Variants in KIAA1755 observed in about 807,000 individuals in gnomAD.
The protein encoded by KIAA1755 is uncharacterized protein KIAA1755.
In KIAA1755, 68 loss-of-function variants were observed where a neutral mutation model predicts 91.7. That is an observed-to-expected ratio of 0.74 (90% CI 0.61 to 0.91). KIAA1755 has a LOEUF of 0.91. KIAA1755 is among the 40% of genes least tolerant of loss of function. KIAA1755 has a pLI of 0.00. For missense variants in KIAA1755, 1,535 were observed against 1,494.4 expected, an observed-to-expected ratio of 1.03 and a Z score of -0.45; for synonymous variants, 610 against 604.6, an observed-to-expected ratio of 1.01 and a Z score of -0.13.
rs772242359 is a variant in KIAA1755, at chr20:38,218,327, G to T, written c.2596C>A (p.Gln866Lys). ...CTTCCATCCTTGGGGGTCAGTGATT[G>T]CAGGCACCGCCTTCCTTCCTGCTCC... ...WMEQEGRRCL[Q>K]SLTPKDGSLE... Residue 866 changes from glutamine (Q) to lysine (K), a missense_variant, in exon 12 of 14, where the codon CAA becomes AAA. By Grantham distance (53) the Gln-to-Lys change is moderately conservative. Transcript: ENST00000279024. 1 of 1,614,204 alleles carries T rather than the reference G, an allele frequency of 6.2e-7. No individual in the cohort carries two copies. The highest frequency in any genetic ancestry group is 8.5e-7 in the Non-Finnish European group (1 of 1,180,030).
intron 2 of KIAA1755, among the ~76,000 whole-genome samples, chr20:38,244,075 A>G (rs924128277): frequency 1.3e-5 from 2 of 152,200 alleles, no homozygotes; most frequent in East Asian, 3.8e-4. Context: ...AGATTGACAG[A>G]TATTTGCCTA....
intron 8 of KIAA1755, chr20:38,225,455 A>G (rs2075738508): frequency 1.8e-6 from 1 of 564,946 alleles, no homozygotes; most frequent in South Asian, 2.1e-5. Context: ...CTTATCCAAA[A>G]TCACACAGCA....
At position 38,213,219 on chromosome 20, in the gene KIAA1755, G is replaced by A; in HGVS notation, c.3426C>T (p.Ser1142=). The change falls in exon 14 of 14, where the codon TCC becomes TCT. Residue 1142 remains serine, a synonymous_variant. Transcript: ENST00000279024. Reference sequence around the variant, plus strand: ...CGCGGGCAGGGTCAGGCAGCTTGTGGGAGCCTTTGCCGTCTTCAGCCTCTG... The same window carrying A: ...CGCGGGCAGGGTCAGGCAGCTTGTGAGAGCCTTTGCCGTCTTCAGCCTCTG... ...QAAEAEDGKG[S]HKLPDPAREH... is the part of the protein sequence containing the mutation. 5.0e-6 allele frequency: 8 copies of A among 1,613,320 alleles called. No homozygotes were observed. The highest frequency in any genetic ancestry group is 6.8e-6 in the Non-Finnish European group (8 of 1,180,020).
chr20:38,237,198 G>T (rs2075973777), intron 4 of KIAA1755, among the ~76,000 whole-genome samples: 1 of 151,710 alleles, frequency 6.6e-6, no homozygotes, highest in South Asian at 2.1e-4. Flanking sequence ...CATCAGCTGA[G>T]ATTTAAGTTG....
intron 13 of KIAA1755, among the ~76,000 whole-genome samples, chr20:38,216,106 T>C (rs2075539454): frequency 6.6e-6 from 1 of 152,144 alleles, no homozygotes; most frequent in Non-Finnish European, 1.5e-5. Flanking sequence ...TGGCTTGTCA[T>C]AAGAACTACA....
chr20:38,259,672 G>A (rs2076406075), intron 1 of KIAA1755, among the ~76,000 whole-genome samples: 1 of 151,770 alleles, frequency 6.6e-6, no homozygotes, highest in Non-Finnish European at 1.5e-5. Flanking sequence ...TGTCTTCACA[G>A]CTTTTTTCAA....
In KIAA1755 at chr20:38,211,733, C is replaced by T. The variant is rs895391344; in HGVS notation, c.*1309G>A. The T allele has an allele frequency of 4.6e-5, 7 of 152,232 alleles. No homozygotes were observed. Among genetic ancestry groups the T allele is most frequent in the African/African-American group, 1.7e-4 (7 of 41,456 alleles). The allele number at this position is 152,232 out of a possible 1,614,324, so 9.4% of individuals were successfully genotyped here. A position where few individuals can be genotyped will look rare whatever the true frequency, so the allele number is the denominator to read the frequency against. On this transcript the variant is annotated 3_prime_UTR_variant, in exon 14 of 14. Coordinates refer to ENST00000279024, the MANE Select transcript of KIAA1755 (RefSeq NM_001029864.2). ...GACAAGGACAAGGTTCCACAGGGTT[C>T]CTTGAACTTGAGAATGAAGGTCCCA...
At chr20:38,243,339 G>T (rs768513834) in intron 2 of KIAA1755, among the ~76,000 whole-genome samples, 22 of 152,178 alleles carry the variant, frequency 1.4e-4, no homozygotes, top group Non-Finnish European at 2.6e-4. Context: ...GGCTGCCTCA[G>T]AGAAGCTTAA....
chr20:38,229,426 G>C (rs968311304), intron 5 of KIAA1755, among the ~76,000 whole-genome samples: 7 of 152,238 alleles, frequency 4.6e-5, no homozygotes, highest in African/African-American at 1.2e-4. Flanking sequence ...AGGAGGCTCT[G>C]GGAGGTGATT....
In KIAA1755 at chr20:38,217,472, G is replaced by A. The variant is rs2075570271; in HGVS notation, c.2682C>T (p.Ala894=). 6.3e-7 allele frequency: 1 copy of A among 1,598,086 alleles called. No homozygotes were observed. Among genetic ancestry groups the A allele is most frequent in the African/African-American group, 1.3e-5 (1 of 74,628 alleles). Residue 894 remains alanine (A), a splice_region_variant and synonymous_variant, in exon 13 of 14, where the codon GCC becomes GCT. Transcript: ENST00000279024. The part of the protein sequence containing the change: ...EFENFFLQAA[A]QYRRGLELSK... ...ACAGCTCCAGGCCTCGGCGGTACTGGGCCTGAGAGGGGAGAGGAGGGGGCG... is the reference window on the plus strand; with the variant it reads ...ACAGCTCCAGGCCTCGGCGGTACTGAGCCTGAGAGGGGAGAGGAGGGGGCG...
At chr20:38,239,860 C>A (rs1481797734) in intron 3 of KIAA1755, 135 bp from the exon 4 acceptor site, 2 of 836,542 alleles carry the variant, frequency 2.4e-6, no homozygotes, top group African/African-American at 1.7e-5. Flanking sequence ...AGGCATTGCG[C>A]TAAGCCCCTT....
intron 1 of KIAA1755, among the ~76,000 whole-genome samples, chr20:38,250,939 C>T (rs1402644710): frequency 1.3e-5 from 2 of 152,200 alleles, no homozygotes; most frequent in Non-Finnish European, 2.9e-5. Flanking sequence ...ACTGTTATTA[C>T]ATCATCACTA....
At position 38,241,720 on chromosome 20, in the gene KIAA1755, T is replaced by C. The variant is rs1205435; in HGVS notation, c.411A>G (p.Pro137=). The C allele has an allele frequency of 3.7e-6, 6 of 1,613,950 alleles. No homozygotes were observed. Among genetic ancestry groups the C allele is most frequent in the Non-Finnish European group, 5.1e-6 (6 of 1,179,986 alleles). The stretch of plus-strand genomic sequence containing the variant: ...TGAAAAGTATAGGGTAGGCTGGCTC[T>C]GGAACAGGCTTCTTGTCCACTGTGC... ...DLCTVDKKPV[P]EPAYPILFTQ... is the part of the protein sequence containing the mutation. Residue 137 remains proline (P), a synonymous_variant, in exon 3 of 14, where the codon CCA becomes CCG. Transcript: ENST00000279024.
chr20:38,225,562 T>C, intron 8 of KIAA1755, 103 bp downstream of exon 8: 1 of 824,868 alleles, frequency 1.2e-6, no homozygotes, highest in Non-Finnish European at 2.1e-6. Flanking sequence ...GAGTGACCGT[T>C]TATTTTTTAG....
At chr20:38,222,737 A>G (rs1293605025) in intron 9 of KIAA1755, 140 bp from the exon 10 acceptor site, 1 of 887,288 alleles carries the variant, frequency 1.1e-6, no homozygotes, top group Admixed American at 2.0e-5. Context: ...TCTGTCTCTA[A>G]AACATCCCCT....
At chr20:38,256,667 G>A (rs747213038) in intron 1 of KIAA1755, among the ~76,000 whole-genome samples, 11 of 152,058 alleles carry the variant, frequency 7.2e-5, no homozygotes, top group Non-Finnish European at 1.3e-4. Context: ...GCTGAGCATG[G>A]TAGCACGCAC....
Position 38,222,554 on chromosome 20 carries a change from G to A in KIAA1755, c.2312C>T (p.Ala771Val). Residue 771 changes from alanine to valine, a missense_variant, in exon 10 of 14, where the codon GCT becomes GTT. Transcript: ENST00000279024. ...CAGTAGGCCGGGGTCCCTCAGCACAGCCTCCATCAGCTCCTTGGACTTGCT... is the reference window on the plus strand; with the variant it reads ...CAGTAGGCCGGGGTCCCTCAGCACAACCTCCATCAGCTCCTTGGACTTGCT... Reference protein sequence around the residue: ...CLSKSKELMEAVLRDPGLLGL... With the variant: ...CLSKSKELMEVVLRDPGLLGL... 6.2e-7 allele frequency: 1 copy of A among 1,613,308 alleles called. No individual in the cohort carries two copies. The highest frequency in any genetic ancestry group is 8.5e-7 in the Non-Finnish European group (1 of 1,179,994).
chr20:38,237,617 G>T (rs958460098), intron 4 of KIAA1755, among the ~76,000 whole-genome samples: 1 of 151,928 alleles, frequency 6.6e-6, no homozygotes, highest in African/African-American at 2.4e-5. Flanking sequence ...AGGAAGATAT[G>T]ATGATGGGGA....
chr20:38,247,875 G>T (rs1363737706), intron 1 of KIAA1755, among the ~76,000 whole-genome samples: 1 of 152,150 alleles, frequency 6.6e-6, no homozygotes, highest in Non-Finnish European at 1.5e-5. Flanking sequence ...GATCGCCTGA[G>T]GCTAGGAATT....
Sources: gnomAD v4.1 joint callset for allele counts (sites outside exome capture counted in the v4.1 genomes callset) on GRCh38, gnomAD v4.1.1 for gene constraint, MANE v1.5 for transcripts, NCBI Gene and HGNC (gene_info 2026-07-23, HGNC 2026-07-21) for gene names.